Variants in IPCEF1 observed in about 807,000 individuals in gnomAD.
IPCEF1 encodes interactor protein for cytohesin exchange factors 1.
IPCEF1 carries 31 observed loss-of-function variants against 50.9 expected under a neutral mutation model. The ratio of observed to expected loss-of-function variants is 0.61; its 90% CI spans 0.46 to 0.82. IPCEF1 has a LOEUF of 0.82. IPCEF1 is among the 40% of genes least tolerant of loss of function. The pLI is 0.00. For missense variants in IPCEF1, 458 were observed against 514.0 expected (o/e 0.89, Z 1.05); for synonymous variants, 181 against 192.0 (o/e 0.94, Z 0.47).
intron 3 of IPCEF1, among the ~76,000 whole-genome samples, chr6:154,260,916 C>T (rs530640668): frequency 7.9e-5 from 12 of 152,236 alleles, no homozygotes; most frequent in South Asian, 2.1e-4. Flanking sequence ...TAGTGTGATT[C>T]GAGGAAACTT....
chr6:154,162,272 G>T lies in IPCEF1; in HGVS notation c.1105-2232C>A, dbSNP rs188687858. ...AGCAGTCTCACTGGTACACATGTTT[G>T]CTGTTATTTCTTGCATGTTAAAATT... On this transcript the variant is annotated intron_variant, in intron 11 of 11. Coordinates refer to ENST00000367220, the MANE Select transcript of IPCEF1 (RefSeq NM_001130700.2). 5.5e-4 allele frequency among the ~76,000 whole-genome samples: 84 copies of T among 152,280 alleles called. 1 individual carries two copies. In the East Asian group the frequency reaches 0.015, roughly 28 times the overall value.
intron 10 of IPCEF1, among the ~76,000 whole-genome samples, chr6:154,196,826 C>T (rs1776660168): frequency 6.6e-6 from 1 of 152,168 alleles, no homozygotes; most frequent in African/African-American, 2.4e-5. Context: ...CAATAGGAGG[C>T]AATTAACACC....
Position 154,223,238 on chromosome 6 carries a change from C to G in IPCEF1, c.252G>C (p.Glu84Asp). 2 of 1,612,382 alleles carry G rather than the reference C, an allele frequency of 1.2e-6. No individual in the cohort carries two copies. The highest frequency in any genetic ancestry group is 1.7e-6 in the Non-Finnish European group (2 of 1,179,364). The change falls in exon 6 of 12, where the codon GAG becomes GAC. Residue 84 changes from glutamate (E) to aspartate (D), a missense_variant. Coordinates refer to ENST00000367220, the MANE Select transcript of IPCEF1 (RefSeq NM_001130700.2). ...GCAGGTTGACAAATCCATCAGCTTT[C>G]TCTGCCTGAAACAAATATATACCAC... is the stretch of plus-strand genomic sequence containing the variant. ...SLYWYSNQMA[E>D]KADGFVNLPD...
At chr6:154,273,729 T>TC (rs1781964618) in intron 2 of IPCEF1, among the ~76,000 whole-genome samples, 6 of 18,622 alleles carry the variant, frequency 3.2e-4, no homozygotes, top group African/African-American at 1.3e-3. Context: ...TCTTTCTTTT[T>TC]TTTTTTTTTT....
intron 1 of IPCEF1, among the ~76,000 whole-genome samples, chr6:154,354,261 C>T (rs1186594576): frequency 6.6e-6 from 1 of 152,154 alleles, no homozygotes; most frequent in Non-Finnish European, 1.5e-5. Context: ...TGATTACCTC[C>T]ACCATTACCT....
chr6:154,209,166 T>G (rs1042447255), intron 9 of IPCEF1, among the ~76,000 whole-genome samples: 3 of 152,248 alleles, frequency 2.0e-5, no homozygotes, highest in Admixed American at 6.5e-5. Flanking sequence ...ATTTTAAATT[T>G]TTTTGAATTT....
chr6:154,228,794 G>A (rs960631477), intron 5 of IPCEF1, among the ~76,000 whole-genome samples: 4 of 152,196 alleles, frequency 2.6e-5, no homozygotes, highest in Non-Finnish European at 4.4e-5. Flanking sequence ...CGGCCAAGGC[G>A]GGAGGATGAC....
chr6:154,256,459 G>A (rs1781463616), intron 3 of IPCEF1, among the ~76,000 whole-genome samples: 1 of 152,074 alleles, frequency 6.6e-6, no homozygotes, highest in Non-Finnish European at 1.5e-5. Flanking sequence ...AATTGCAAGT[G>A]AAAAAGTTTT....
At chr6:154,186,464 G>A (rs1211953152) in intron 10 of IPCEF1, among the ~76,000 whole-genome samples, 1 of 152,132 alleles carries the variant, frequency 6.6e-6, no homozygotes, top group African/African-American at 2.4e-5. Context: ...ACCTCCACCT[G>A]AACACAGGCA....
chr6:154,230,811 C>T (rs1779659142), intron 5 of IPCEF1, among the ~76,000 whole-genome samples: 1 of 152,118 alleles, frequency 6.6e-6, no homozygotes. Context: ...ATTGCAACAT[C>T]TTCTCCCCTA....
At chr6:154,264,388 AATTGAG>A (rs751486039) in intron 3 of IPCEF1, among the ~76,000 whole-genome samples, 45 of 151,650 alleles carry the variant, frequency 3.0e-4, no homozygotes, top group Non-Finnish European at 6.2e-4. Flanking sequence ...TTATTTTTTT[AATTGAG>A]ATGGAGTAAC....
At chr6:154,212,033 C>T (rs1211995299) in intron 9 of IPCEF1, among the ~76,000 whole-genome samples, 2 of 152,148 alleles carry the variant, frequency 1.3e-5, no homozygotes, top group South Asian at 2.1e-4. Flanking sequence ...ATACTACTTC[C>T]AGGGTTGCCT....
intron 3 of IPCEF1, among the ~76,000 whole-genome samples, chr6:154,260,206 ATAACT>A (rs1781561146): frequency 6.6e-6 from 1 of 152,234 alleles, no homozygotes; most frequent in South Asian, 2.1e-4. Flanking sequence ...GCAACAGCAA[ATAACT>A]TAACCACAGT....
At chr6:154,266,585 T>TATATATATATATATATAC (rs71021035) in intron 2 of IPCEF1, among the ~76,000 whole-genome samples, 14 of 135,700 alleles carry the variant, frequency 1.0e-4, no homozygotes, top group African/African-American at 3.2e-4. Flanking sequence ...TATATATATA[T>TATATATATATATATATAC]ACACACAAAC....
In IPCEF1 at chr6:154,228,421, C is replaced by A. The variant is rs146794482; in HGVS notation, c.247-5178G>T. Among the ~76,000 whole-genome samples the A allele has an allele frequency of 4.5e-4, 69 of 152,296 alleles. No homozygotes were observed. In the East Asian group the frequency reaches 0.013, roughly 29 times the overall value. On this transcript the variant is annotated intron_variant, in intron 5 of 11. Transcript: ENST00000367220. ...CAGAGGTATCAAACCCATCGTTTGG[C>A]CATTGTACAAACTTCTCTTTCCAAA...
chr6:154,343,363 C>T (rs1783959261), intron 1 of IPCEF1, among the ~76,000 whole-genome samples: 1 of 152,130 alleles, frequency 6.6e-6, no homozygotes, highest in Admixed American at 6.6e-5. Context: ...CCTTTTCCTC[C>T]TATTCAATTA....
chr6:154,227,359 T>C (rs895060913), intron 5 of IPCEF1, among the ~76,000 whole-genome samples: 1 of 152,174 alleles, frequency 6.6e-6, no homozygotes, highest in African/African-American at 2.4e-5. Context: ...AATGATATAA[T>C]ACACAAATCA....
At chr6:154,170,433 A>G (rs1007741944) in intron 10 of IPCEF1, among the ~76,000 whole-genome samples, 2 of 152,238 alleles carry the variant, frequency 1.3e-5, no homozygotes, top group Non-Finnish European at 2.9e-5. Context: ...CTACGATTAG[A>G]AACCTTTATG....
chr6:154,248,866 T>C (rs1002021673), intron 3 of IPCEF1, among the ~76,000 whole-genome samples: 1 of 152,120 alleles, frequency 6.6e-6, no homozygotes, highest in African/African-American at 2.4e-5. Context: ...ATGTGTAATA[T>C]AATATTATAT....
Sources: gnomAD v4.1 joint callset for allele counts (sites outside exome capture counted in the v4.1 genomes callset) on GRCh38, gnomAD v4.1.1 for gene constraint, MANE v1.5 for transcripts, NCBI Gene and HGNC (gene_info 2026-07-23, HGNC 2026-07-21) for gene names.